SCAPER: variants seen among roughly 807,000 people sequenced by gnomAD.
The protein encoded by SCAPER is S phase cyclin A-associated protein in the endoplasmic reticulum.
Under a neutral mutation model 182.2 loss-of-function variants are expected in SCAPER, and 98 were observed. That is an observed-to-expected ratio of 0.54 (90% CI 0.46 to 0.64). SCAPER has a LOEUF of 0.64. SCAPER is among the 30% of genes least tolerant of loss of function. The pLI, the probability that SCAPER is intolerant of heterozygous loss-of-function variation, is 0.00. For missense variants in SCAPER, 1,432 were observed against 1,690.0 expected (o/e 0.85, Z 2.68); for synonymous variants, 605 against 564.6 (o/e 1.07, Z -1.01).
At chr15:76,747,548 A>G (rs1274149265) in intron 15 of SCAPER, among the ~76,000 whole-genome samples, 2 of 151,968 alleles carry the variant, frequency 1.3e-5, no homozygotes, top group Non-Finnish European at 1.5e-5. Context: ...CTAATTGCCA[A>G]TGTTGGAGGT....
chr15:76,503,737 C>A (rs157761), intron 24 of SCAPER, among the ~76,000 whole-genome samples: 18,281 of 152,078 alleles, frequency 0.12, 1,509 homozygotes, highest in African/African-American at 0.24. Flanking sequence ...TAGCTAGTAG[C>A]CTGGCAGAGG....
intron 23 of SCAPER, among the ~76,000 whole-genome samples, chr15:76,532,367 C>G (rs1441215963): frequency 6.6e-6 from 1 of 151,444 alleles, no homozygotes; most frequent in Non-Finnish European, 1.5e-5. Context: ...CCTTCCCTTC[C>G]TTTTGTTCGT....
intron 23 of SCAPER, among the ~76,000 whole-genome samples, chr15:76,516,099 T>A (rs1307456423): frequency 6.6e-6 from 1 of 151,784 alleles, no homozygotes; most frequent in Non-Finnish European, 1.5e-5. Flanking sequence ...TTGTCAATCA[T>A]CCTGTCTTAC....
chr15:76,440,927 T>C (rs1288890965), intron 25 of SCAPER, among the ~76,000 whole-genome samples: 3 of 138,414 alleles, frequency 2.2e-5, no homozygotes, highest in African/African-American at 8.3e-5. Context: ...TGTTTTTTTT[T>C]TTTTTTTTTT....
At chr15:76,450,284 T>C (rs1013853818) in intron 25 of SCAPER, among the ~76,000 whole-genome samples, 3 of 152,354 alleles carry the variant, frequency 2.0e-5, no homozygotes, top group Admixed American at 2.0e-4. Context: ...AGCTTTTTTC[T>C]TGATGTTATA....
chr15:76,850,185 C>A (rs2070589384), intron 4 of SCAPER, among the ~76,000 whole-genome samples: 1 of 152,172 alleles, frequency 6.6e-6, no homozygotes, highest in Non-Finnish European at 1.5e-5. Context: ...AGACCTTGCA[C>A]AAAGCTTGAG....
intron 21 of SCAPER, among the ~76,000 whole-genome samples, chr15:76,624,374 C>T (rs998018920): frequency 2.9e-4 from 44 of 152,046 alleles, no homozygotes; most frequent in African/African-American, 1.0e-3. Flanking sequence ...AGGAGGACTA[C>T]AAAACATTAC....
At chr15:76,837,840 G>A (rs952513645) in intron 5 of SCAPER, among the ~76,000 whole-genome samples, 2 of 152,044 alleles carry the variant, frequency 1.3e-5, no homozygotes, top group African/African-American at 2.4e-5. Flanking sequence ...AATGCAAATC[G>A]AAACCACACT....
At chr15:76,515,940 A>G (rs1383663040) in intron 23 of SCAPER, among the ~76,000 whole-genome samples, 3 of 152,184 alleles carry the variant, frequency 2.0e-5, no homozygotes, top group Non-Finnish European at 2.9e-5. Context: ...TGGAAAAGTC[A>G]AGGTAAGGGT....
At chr15:76,472,192 C>T in intron 24 of SCAPER, 1 of 501,578 alleles carries the variant, frequency 2.0e-6, no homozygotes, top group Non-Finnish European at 3.9e-6. Flanking sequence ...GCTTAACCTG[C>T]TCCTCCAAAG....
chr15:76,702,156 C>T (rs1023283927), intron 19 of SCAPER, among the ~76,000 whole-genome samples: 14 of 148,584 alleles, frequency 9.4e-5, no homozygotes, highest in Non-Finnish European at 1.8e-4. Flanking sequence ...AAGCGATACT[C>T]CATCTCAAAA....
chr15:76,844,250 G>GAC (rs2069794460), intron 4 of SCAPER, among the ~76,000 whole-genome samples: 1 of 135,756 alleles, frequency 7.4e-6, no homozygotes, highest in Non-Finnish European at 1.6e-5. Context: ...AAGGACATTT[G>GAC]AGAGACAAAG....
At chr15:76,553,167 G>C (rs902825799) in intron 23 of SCAPER, among the ~76,000 whole-genome samples, 19 of 152,200 alleles carry the variant, frequency 1.2e-4, no homozygotes, top group African/African-American at 4.6e-4. Flanking sequence ...GCACATATGT[G>C]CACACACTCC....
At chr15:76,792,035 A>C (rs978632885) in intron 8 of SCAPER, among the ~76,000 whole-genome samples, 172 of 143,334 alleles carry the variant, frequency 1.2e-3, no homozygotes, top group Non-Finnish European at 2.2e-3. Context: ...CTTGCCAGAC[A>C]AAAAAAAAAA....
intron 5 of SCAPER, among the ~76,000 whole-genome samples, chr15:76,821,681 AG>A (rs1568251725): frequency 6.6e-6 from 1 of 152,146 alleles, no homozygotes; most frequent in East Asian, 1.9e-4. Flanking sequence ...CCGTAATCAA[AG>A]CACTTTGGGA....
intron 22 of SCAPER, among the ~76,000 whole-genome samples, chr15:76,578,904 A>G (rs761051909): frequency 2.0e-4 from 30 of 152,234 alleles, no homozygotes; most frequent in Non-Finnish European, 3.7e-4. Context: ...TGACTCTTTC[A>G]GGCAGAGAAT....
intron 15 of SCAPER, among the ~76,000 whole-genome samples, chr15:76,737,493 G>T (rs1315949210): frequency 2.0e-5 from 3 of 152,254 alleles, no homozygotes; most frequent in African/African-American, 7.2e-5. Context: ...AGTATAGACA[G>T]AATAGATTTA....
chr15:76,688,840 TCTC>T (rs1241687891), intron 20 of SCAPER, among the ~76,000 whole-genome samples: 3 of 134,330 alleles, frequency 2.2e-5, no homozygotes, highest in African/African-American at 7.7e-5. Context: ...CTTAAATGCC[TCTC>T]TTTTTTTTTT....
intron 27 of SCAPER, among the ~76,000 whole-genome samples, chr15:76,399,865 C>T (rs2044333882): frequency 6.6e-6 from 1 of 151,924 alleles, no homozygotes; most frequent in Admixed American, 6.6e-5. Context: ...ATTAGCCAGG[C>T]ATGGTGGCAA....
Sources: gnomAD v4.1 joint callset for allele counts (sites outside exome capture counted in the v4.1 genomes callset) on GRCh38, gnomAD v4.1.1 for gene constraint, MANE v1.5 for transcripts, NCBI Gene and HGNC (gene_info 2026-07-23, HGNC 2026-07-21) for gene names.